Variants in USP38 observed in about 807,000 individuals in gnomAD.
USP38 encodes ubiquitin specific peptidase 38, also known as ubiquitin carboxyl-terminal hydrolase 38.
In USP38, 49 loss-of-function variants were observed where a neutral mutation model predicts 94.3. The observed-to-expected ratio is 0.52, with a 90% CI of 0.41 to 0.66. USP38 has a LOEUF of 0.66. Ranked by LOEUF, USP38 falls within the 30% of genes least tolerant of loss-of-function variation. USP38 has a pLI of 0.00. For synonymous variants in USP38, 468 were observed against 463.6 expected, an observed-to-expected ratio of 1.01 and a Z score of -0.12; for missense variants, 1,128 against 1,229.4, an observed-to-expected ratio of 0.92 and a Z score of 1.23.
intron 9 of USP38, among the ~76,000 whole-genome samples, chr4:143,219,390 T>C (rs1302687462): frequency 1.3e-5 from 2 of 152,146 alleles, no homozygotes; most frequent in Non-Finnish European, 2.9e-5. Flanking sequence ...CCATTTTAGC[T>C]AGAAATTATA....
chr4:143,208,957 A>G, intron 6 of USP38, among the ~76,000 whole-genome samples: 1 of 146,504 alleles, frequency 6.8e-6, no homozygotes, highest in East Asian at 2.0e-4. Flanking sequence ...TACCGGATGG[A>G]TACCCAGCTG....
intron 4 of USP38, among the ~76,000 whole-genome samples, chr4:143,198,904 GA>G (rs199648436): frequency 1.3e-5 from 2 of 151,242 alleles, no homozygotes; most frequent in African/African-American, 2.4e-5. Flanking sequence ...AGTCTTCCAA[GA>G]AAAAAAACAT....
intron 2 of USP38, among the ~76,000 whole-genome samples, chr4:143,194,178 A>G (rs1055610770): frequency 2.0e-5 from 3 of 152,238 alleles, no homozygotes; most frequent in Admixed American, 2.0e-4. Flanking sequence ...TACATTTTGT[A>G]TAATCAAGGT....
rs912708674 is a variant in USP38 at position 143,222,640 on chromosome 4, C to G, written c.*2184C>G. ...AAGAGTATTCAAATGATAACTCATA[C>G]CAGTACCAAAAACTTGAAGACTTCC... On this transcript the variant is annotated 3_prime_UTR_variant, in exon 10 of 10. Transcript: ENST00000307017. 3.3e-5 allele frequency: 5 copies of G among 151,996 alleles called. No individual in the cohort carries two copies. Among genetic ancestry groups the G allele is most frequent in the Non-Finnish European group, 7.4e-5 (5 of 67,940 alleles). 9.4% of individuals were successfully genotyped at this position (151,996 alleles called of 1,614,324 possible).
rs1337328515 is a variant in USP38 at position 143,223,733 on chromosome 4, G to A, written c.*3277G>A. On this transcript the variant is annotated 3_prime_UTR_variant, in exon 10 of 10. Transcript: ENST00000307017. ...TTTCCTATGATTGTGTACTTCACAT[G>A]ATACATTCCATATAAAGAGCTCTTT... is the stretch of plus-strand genomic sequence containing the variant. The A allele has an allele frequency of 6.6e-6, 1 of 151,992 alleles. No individual in the cohort carries two copies. Among genetic ancestry groups the A allele is most frequent in the African/African-American group, 2.4e-5 (1 of 41,394 alleles). The allele number at this position is 151,992 out of a possible 1,614,324, so 9.4% of individuals were successfully genotyped here.
chr4:143,187,723 AACACC>A (rs1731269362), intron 1 of USP38, 98 bp from the exon 2 acceptor site: 1 of 1,259,412 alleles, frequency 7.9e-7, no homozygotes, highest in East Asian at 2.5e-5. Flanking sequence ...CTTCCTAGTT[AACACC>A]TTTGCTGCAA....
rs916208526 is a variant in USP38, at chr4:143,185,200, C to A, written c.-251C>A. On this transcript the variant is annotated 5_prime_UTR_variant, in exon 1 of 10. Coordinates refer to ENST00000307017, the MANE Select transcript of USP38 (RefSeq NM_032557.6). Reference sequence around the variant, plus strand: ...GAGGGCCCGGGGCGGCGGCGGAGTACGGGCCTCTGGCGCCTTAGGCCAGCC... The same window carrying A: ...GAGGGCCCGGGGCGGCGGCGGAGTAAGGGCCTCTGGCGCCTTAGGCCAGCC... 2 of 428,870 alleles carry A rather than the reference C, an allele frequency of 4.7e-6. No individual in the cohort carries two copies. Among genetic ancestry groups the A allele is most frequent in the South Asian group, 4.0e-5 (1 of 25,304 alleles). 26.6% of individuals were successfully genotyped at this position (428,870 alleles called of 1,614,324 possible).
At chr4:143,191,489 A>G (rs976922616) in intron 2 of USP38, among the ~76,000 whole-genome samples, 5 of 152,218 alleles carry the variant, frequency 3.3e-5, no homozygotes, top group African/African-American at 9.6e-5. Context: ...ATAAAAGGGA[A>G]GGCTGCCTAT....
In USP38 at chr4:143,215,790, G is replaced by A. The variant is rs563128917; in HGVS notation, c.2967+847G>A. Among the ~76,000 whole-genome samples the A allele has an allele frequency of 7.2e-5, 11 of 152,030 alleles. No individual in the cohort carries two copies. In the East Asian group the frequency reaches 1.9e-3, roughly 27 times the overall value. On this transcript the variant is annotated intron_variant, in intron 9 of 9. Coordinates refer to ENST00000307017, the MANE Select transcript of USP38 (RefSeq NM_032557.6). ...CCACTATAGTACTGATTTTTAGAGG[G>A]AAATTTTCTCAAAAGCTTTCAAATT... is the stretch of plus-strand genomic sequence containing the variant.
At position 143,185,088 on chromosome 4, in the gene USP38, C is replaced by T. The variant is rs1464339504; in HGVS notation, c.-363C>T. 5.2e-6 allele frequency: 1 copy of T among 192,272 alleles called. No homozygotes were observed. Among genetic ancestry groups the T allele is most frequent in the African/African-American group, 2.4e-5 (1 of 42,316 alleles). 11.9% of individuals were successfully genotyped at this position (192,272 alleles called of 1,614,324 possible). Reference sequence around the variant, plus strand: ...AACTCGGAGGCGTGCTTCCTCCACCCGCCGGCTAGCAGCCCCGGGCCCTGA... The same window carrying T: ...AACTCGGAGGCGTGCTTCCTCCACCTGCCGGCTAGCAGCCCCGGGCCCTGA... On this transcript the variant is annotated 5_prime_UTR_variant, in exon 1 of 10. Coordinates refer to ENST00000307017, the MANE Select transcript of USP38 (RefSeq NM_032557.6).
Position 143,221,636 on chromosome 4 carries a change from A to G in USP38, c.*1180A>G, listed in dbSNP as rs961091279. On this transcript the variant is annotated 3_prime_UTR_variant, in exon 10 of 10. Transcript: ENST00000307017. ...TTTCTTTTGCCAGGAAACTGGAAAC[A>G]TGTCAGTTCTCCTGGTTCTTGATTA... 6.6e-6 allele frequency: 1 copy of G among 152,162 alleles called. No homozygotes were observed. The highest frequency in any genetic ancestry group is 2.4e-5 in the African/African-American group (1 of 41,460). The allele number at this position is 152,162 out of a possible 1,614,324, so 9.4% of individuals were successfully genotyped here. A position where few individuals can be genotyped will look rare whatever the true frequency, so the allele number is the denominator to read the frequency against.
At chr4:143,204,543 C>T (rs1368071306) in intron 5 of USP38, 1 of 374,732 alleles carries the variant, frequency 2.7e-6, no homozygotes, top group Non-Finnish European at 5.2e-6. Flanking sequence ...GTGCACACCA[C>T]CACGCCAGGC....
intron 5 of USP38, 29 bp from the exon 6 acceptor site, chr4:143,206,004 A>AAAT (rs1248445795): frequency 1.4e-6 from 2 of 1,435,202 alleles, no homozygotes; most frequent in Middle Eastern, 1.8e-4. Flanking sequence ...CTTTACTTTT[A>AAAT]AACTGTTTTT....
intron 9 of USP38, among the ~76,000 whole-genome samples, chr4:143,220,025 C>T (rs1384680156): frequency 1.3e-5 from 2 of 152,032 alleles, no homozygotes; most frequent in African/African-American, 4.8e-5. Context: ...GCCCCAATTG[C>T]TGGAGAATAG....
At chr4:143,193,618 G>A (rs1217515847) in intron 2 of USP38, among the ~76,000 whole-genome samples, 1 of 152,218 alleles carries the variant, frequency 6.6e-6, no homozygotes, top group Non-Finnish European at 1.5e-5. Context: ...TGTAGAGAAT[G>A]GAGGGAACAT....
chr4:143,195,219 A>G (rs920346754), intron 2 of USP38, among the ~76,000 whole-genome samples: 2 of 152,190 alleles, frequency 1.3e-5, no homozygotes, highest in African/African-American at 4.8e-5. Context: ...AATTCTTGAT[A>G]CAGGTTGAGC....
At chr4:143,191,163 G>A (rs1025377945) in intron 2 of USP38, among the ~76,000 whole-genome samples, 4 of 152,024 alleles carry the variant, frequency 2.6e-5, no homozygotes, top group Non-Finnish European at 5.9e-5. Flanking sequence ...ACCTCCCCAT[G>A]CACTATACTT....
chr4:143,204,510 C>T, intron 5 of USP38: 1 of 413,714 alleles, frequency 2.4e-6, no homozygotes, highest in Non-Finnish European at 4.7e-6. Context: ...CTGCCTCAGC[C>T]TCCCAAGTAG....
chr4:143,207,421 C>CCA (rs1731900699), intron 6 of USP38, among the ~76,000 whole-genome samples: 1 of 152,224 alleles, frequency 6.6e-6, no homozygotes, highest in South Asian at 2.1e-4. Context: ...GCCTGTAATC[C>CCA]CAACTATTCA....
Sources: allele counts gnomAD v4.1 joint callset (sites outside exome capture counted in the v4.1 genomes callset), GRCh38; gene constraint gnomAD v4.1.1; transcripts MANE v1.5; gene names NCBI Gene and HGNC (gene_info 2026-07-23, HGNC 2026-07-21).